The following EDNRA variants were observed in gnomAD, a reference collection of about 807,000 sequenced individuals.
EDNRA encodes endothelin receptor type A.
EDNRA carries 11 observed loss-of-function variants against 41.4 expected under a neutral mutation model. The observed-to-expected ratio is 0.27, with a 90% CI of 0.17 to 0.44. EDNRA has a LOEUF of 0.44. EDNRA is among the 20% of genes least tolerant of loss of function. The probability of loss-of-function intolerance (pLI) is 1.00; values close to 1 mark genes in which losing one functional copy is unlikely to be tolerated. For synonymous variants in EDNRA, 172 were observed against 183.0 expected, an observed-to-expected ratio of 0.94 and a Z score of 0.49; for missense variants, 294 against 531.0, an observed-to-expected ratio of 0.55 and a Z score of 4.39.
chr4:147,498,159 A>T (rs1729379461), intron 2 of EDNRA, among the ~76,000 whole-genome samples: 1 of 152,180 alleles, frequency 6.6e-6, no homozygotes. Context: ...CAATGTAAAC[A>T]CTCCCAGGAA....
chr4:147,485,619 A>C lies in EDNRA; in HGVS notation c.-63A>C, dbSNP rs1330076957. On this transcript the variant is annotated 5_prime_UTR_variant, in exon 2 of 8. Coordinates refer to ENST00000651419, the MANE Select transcript of EDNRA (RefSeq NM_001957.4). ...TTTTTCCTTTTGTTTCAGGTGAAAA[A>C]AAAGTGAAGGTGTAAAAGCAGCACA... 6.6e-7 allele frequency: 1 copy of C among 1,504,188 alleles called. No homozygotes were observed. Among genetic ancestry groups the C allele is most frequent in the African/African-American group, 1.4e-5 (1 of 71,416 alleles). The allele number at this position is 1,504,188 out of a possible 1,614,324, so 93.2% of individuals were successfully genotyped here.
At chr4:147,539,693 G>T in intron 5 of EDNRA, 124 bp from the exon 6 acceptor site, 1 of 1,128,372 alleles carries the variant, frequency 8.9e-7, no homozygotes. Context: ...AAGCCAGGCT[G>T]TTCTCCTGGC....
rs796601293 is a variant in EDNRA, at chr4:147,523,461, G to GTTT, written c.548+3490_548+3492dup. Among the ~76,000 whole-genome samples the GTTT allele has an allele frequency of 2.1e-4, 27 of 131,018 alleles. 2 individuals carry two copies. The highest frequency in any genetic ancestry group is 9.0e-4 in the African/African-American group (26 of 28,868). The allele number at this position is 131,018 out of a possible 152,430, so 86.0% of individuals were successfully genotyped here. A position where few individuals can be genotyped will look rare whatever the true frequency, so the allele number is the denominator to read the frequency against. ...AGAGAGTCTGTTTTGTTGGGTGTTTGTTTTTTTTTGTTGTTGTTGTTTTTT... is the reference window on the plus strand; with the variant it reads ...AGAGAGTCTGTTTTGTTGGGTGTTTGTTTTTTTTTTTTGTTGTTGTTGTTTTTT... On this transcript the variant is annotated intron_variant, in intron 3 of 7. Transcript: ENST00000651419.
chr4:147,505,025 A>G (rs1217223391), intron 2 of EDNRA, among the ~76,000 whole-genome samples: 1 of 150,846 alleles, frequency 6.6e-6, no homozygotes, highest in Non-Finnish European at 1.5e-5. Context: ...TCAATGGTAA[A>G]AAAAATGAAT....
At position 147,515,672 on chromosome 4, in the gene EDNRA, T is replaced by C. The variant is rs532469863; in HGVS notation, c.421-4179T>C. On this transcript the variant is annotated intron_variant, in intron 2 of 7. Coordinates refer to ENST00000651419, the MANE Select transcript of EDNRA (RefSeq NM_001957.4). ...CTTTAGGGCATAAATTTCACAACTT[T>C]TTGGCTCCTTACATTTTTGTTTACT... 1.7e-3 allele frequency among the ~76,000 whole-genome samples: 263 copies of C among 152,310 alleles called. 1 individual carries two copies. Among genetic ancestry groups the C allele is most frequent in the African/African-American group, 5.9e-3 (244 of 41,564 alleles).
rs751288819 is a variant in EDNRA, at chr4:147,485,691, C to G, written c.10C>G (p.Leu4Val). The change falls in exon 2 of 8, where the codon CTT becomes GTT. Residue 4 changes from leucine to valine, a missense_variant. Physicochemically the swap from Leu to Val is conservative, Grantham distance 32 (BLOSUM62 1). Coordinates refer to ENST00000651419, the MANE Select transcript of EDNRA (RefSeq NM_001957.4). ...TCAAATTTGCCTCAAGATGGAAACC[C>G]TTTGCCTCAGGGCATCCTTTTGGCT... METLCLRASFWLAL... is the reference protein window; with the variant it reads METVCLRASFWLAL... The G allele has an allele frequency of 1.9e-6, 3 of 1,601,806 alleles. No individual in the cohort carries two copies. The highest frequency in any genetic ancestry group is 2.2e-5 in the South Asian group (2 of 88,972).
chr4:147,526,031 A>G (rs1730529428), intron 3 of EDNRA, among the ~76,000 whole-genome samples: 1 of 152,150 alleles, frequency 6.6e-6, no homozygotes, highest in African/African-American at 2.4e-5. Flanking sequence ...ATGGTTTTCT[A>G]TTGCACCATG....
At chr4:147,496,543 G>C (rs1560896824) in intron 2 of EDNRA, among the ~76,000 whole-genome samples, 2 of 152,146 alleles carry the variant, frequency 1.3e-5, no homozygotes, top group Non-Finnish European at 2.9e-5. Context: ...GTGTAACCAG[G>C]ATCAACAAAG....
intron 2 of EDNRA, among the ~76,000 whole-genome samples, chr4:147,500,900 A>G (rs1349153453): frequency 6.6e-6 from 1 of 152,216 alleles, no homozygotes; most frequent in Non-Finnish European, 1.5e-5. Context: ...TGTAGTTCCA[A>G]CTATGTGAAA....
intron 2 of EDNRA, among the ~76,000 whole-genome samples, chr4:147,501,198 A>C (rs1193897905): frequency 2.0e-5 from 3 of 152,234 alleles, no homozygotes; most frequent in Admixed American, 2.0e-4. Context: ...TGGATAAATG[A>C]ATGAGTGGAG....
intron 3 of EDNRA, among the ~76,000 whole-genome samples, chr4:147,524,155 ACT>A (rs919276670): frequency 6.6e-6 from 1 of 151,702 alleles, no homozygotes; most frequent in Non-Finnish European, 1.5e-5. Flanking sequence ...CATTCATAAA[ACT>A]TAAAAAAAAA....
chr4:147,532,985 ATGTGTGTGTGTGTGTGTGTATG>A (rs1474208642), intron 4 of EDNRA, among the ~76,000 whole-genome samples: 4 of 125,156 alleles, frequency 3.2e-5, no homozygotes, highest in African/African-American at 1.6e-4. Context: ...GAGGGACTAG[ATGTGTGTGTGTGTGTGTGTATG>A]TGTGTGTGTG....
At chr4:147,524,279 G>A (rs1351046515) in intron 3 of EDNRA, among the ~76,000 whole-genome samples, 3 of 151,994 alleles carry the variant, frequency 2.0e-5, no homozygotes, top group Admixed American at 6.6e-5. Flanking sequence ...GGGGATCTAG[G>A]AGCATCATGC....
chr4:147,488,537 T>A (rs1578773423), intron 2 of EDNRA: 2 of 126,264 alleles, frequency 1.6e-5, no homozygotes, highest in Admixed American at 1.5e-4. Flanking sequence ...TTCCTGTTTT[T>A]CCAAAACTCG....
intron 5 of EDNRA, among the ~76,000 whole-genome samples, chr4:147,536,832 G>A (rs1730938322): frequency 1.3e-5 from 2 of 152,100 alleles, no homozygotes; most frequent in Admixed American, 1.3e-4. Context: ...GCTTTCAAGG[G>A]CAAAACTAGA....
chr4:147,484,250 C>G (rs1456877525), intron 1 of EDNRA, among the ~76,000 whole-genome samples: 1 of 151,910 alleles, frequency 6.6e-6, no homozygotes, highest in Non-Finnish European at 1.5e-5. Context: ...TTGCTCTCTG[C>G]AAGTGACTTA....
intron 3 of EDNRA, among the ~76,000 whole-genome samples, chr4:147,520,954 T>G (rs1730303919): frequency 1.3e-5 from 2 of 152,310 alleles, no homozygotes; most frequent in African/African-American, 2.4e-5. Context: ...TAGAATGGTA[T>G]CCTTGTTATA....
chr4:147,481,214 G>A lies in EDNRA; in HGVS notation c.-233G>A, dbSNP rs536038179. ...ACCTCCCCGGGAGAAGCAGTGCCCA[G>A]GAGGTTTTCTGAAGCCGGGGAAGCT... On this transcript the variant is annotated 5_prime_UTR_variant, in exon 1 of 8. Transcript: ENST00000651419. 5 of 153,038 alleles carry A rather than the reference G, an allele frequency of 3.3e-5. No individual in the cohort carries two copies. Among genetic ancestry groups the A allele is most frequent in the African/African-American group, 1.2e-4 (5 of 41,590 alleles). 9.5% of individuals were successfully genotyped at this position (153,038 alleles called of 1,614,324 possible).
rs1024720420 is a variant in EDNRA at position 147,519,054 on chromosome 4, G to T, written c.421-797G>T. On this transcript the variant is annotated intron_variant, in intron 2 of 7. Coordinates refer to ENST00000651419, the MANE Select transcript of EDNRA (RefSeq NM_001957.4). The surrounding 1 kb of genome is among the most constrained non-coding windows in gnomAD (Gnocchi z 4.1). ...CCACTCTTGCCTTGCAAACAAGGTT[G>T]GAAATTGTCAACATGGAAGAACAGA... is the stretch of plus-strand genomic sequence containing the variant. 1.3e-5 allele frequency among the ~76,000 whole-genome samples: 2 copies of T among 152,140 alleles called. No homozygotes were observed. The highest frequency in any genetic ancestry group is 2.9e-5 in the Non-Finnish European group (2 of 68,022).
Sources: gnomAD v4.1 joint callset for allele counts (sites outside exome capture counted in the v4.1 genomes callset) on GRCh38, gnomAD v4.1.1 for gene constraint, Gnocchi (gnomAD v3.1) non-coding constraint, MANE v1.5 for transcripts, NCBI Gene and HGNC (gene_info 2026-07-23, HGNC 2026-07-21) for gene names.